The following LRMDA variants were observed in gnomAD, a reference collection of about 807,000 sequenced individuals.
LRMDA encodes the protein leucine-rich melanocyte differentiation-associated protein.
Under a neutral mutation model 29.8 loss-of-function variants are expected in LRMDA, and 18 were observed. The observed-to-expected ratio is 0.60, with a 90% CI of 0.42 to 0.90. The LOEUF is 0.90. Ranked by LOEUF, LRMDA falls within the 40% of genes least tolerant of loss-of-function variation. LRMDA has a pLI of 0.00. For missense variants in LRMDA, 273 were observed against 273.9 expected (o/e 1.00, Z 0.02); for synonymous variants, 125 against 109.4 (o/e 1.14, Z -0.89).
At chr10:75,883,453 C>T (rs2132345935) in intron 2 of LRMDA, 1 of 152,362 alleles carries the variant, frequency 6.6e-6, no homozygotes, top group African/African-American at 2.4e-5. Context: ...GATGGCATCC[C>T]TGGGGTGCTC....
intron 2 of LRMDA, among the ~76,000 whole-genome samples, chr10:75,969,620 C>G (rs1846929585): frequency 6.6e-6 from 1 of 152,190 alleles, no homozygotes; most frequent in South Asian, 2.1e-4. Context: ...CTTCTTGGTA[C>G]CTTTCATCAG....
At chr10:76,073,456 A>G (rs1848906717) in intron 5 of LRMDA, among the ~76,000 whole-genome samples, 3 of 152,162 alleles carry the variant, frequency 2.0e-5, no homozygotes, top group Admixed American at 1.3e-4. Flanking sequence ...ATAATTCTCT[A>G]TCAAGTTGAC....
At chr10:76,288,144 CAG>C (rs1433937371) in intron 5 of LRMDA, among the ~76,000 whole-genome samples, 2 of 152,218 alleles carry the variant, frequency 1.3e-5, no homozygotes, top group Admixed American at 1.3e-4. Flanking sequence ...TGAAAAATAA[CAG>C]ATGCTGATGA....
intron 6 of LRMDA, among the ~76,000 whole-genome samples, chr10:76,364,270 C>G (rs916705174): frequency 6.6e-6 from 1 of 152,056 alleles, no homozygotes; most frequent in African/African-American, 2.4e-5. Flanking sequence ...AAGCCAAGCT[C>G]ACAGCTTAAG....
intron 5 of LRMDA, among the ~76,000 whole-genome samples, chr10:76,262,315 G>A (rs1373405773): frequency 6.6e-6 from 1 of 152,114 alleles, no homozygotes; most frequent in East Asian, 1.9e-4. Context: ...TACCACCAGT[G>A]TTCACTCATG....
At chr10:75,529,025 G>A (rs1364919182) in intron 2 of LRMDA, among the ~76,000 whole-genome samples, 1 of 152,142 alleles carries the variant, frequency 6.6e-6, no homozygotes. Context: ...GGAGAAAAAA[G>A]GAGCAGTCTC....
chr10:75,469,283 T>C (rs543151444), intron 2 of LRMDA, among the ~76,000 whole-genome samples: 79 of 132,990 alleles, frequency 5.9e-4, no homozygotes, highest in African/African-American at 1.9e-3. Flanking sequence ...AGAGAGCATG[T>C]TGCAATAAAG....
chr10:76,083,612 T>C (rs1849082291), intron 5 of LRMDA, among the ~76,000 whole-genome samples: 1 of 152,126 alleles, frequency 6.6e-6, no homozygotes, highest in African/African-American at 2.4e-5. Flanking sequence ...GTGGATCACC[T>C]GAGATCAGGA....
chr10:75,450,810 A>C (rs934010605), intron 2 of LRMDA: 1 of 152,258 alleles, frequency 6.6e-6, no homozygotes, highest in African/African-American at 2.4e-5. Flanking sequence ...TGTCACCGGG[A>C]CATCAAAGCC....
At chr10:76,109,904 C>T (rs1849549351) in intron 5 of LRMDA, among the ~76,000 whole-genome samples, 1 of 152,190 alleles carries the variant, frequency 6.6e-6, no homozygotes, top group African/African-American at 2.4e-5. Flanking sequence ...GGCTCATCTA[C>T]ATTTACCCAG....
At chr10:75,785,916 T>C (rs1457644940) in intron 2 of LRMDA, among the ~76,000 whole-genome samples, 1 of 152,220 alleles carries the variant, frequency 6.6e-6, no homozygotes, top group African/African-American at 2.4e-5. Flanking sequence ...AAGTTATGAT[T>C]CTCTGGCACC....
intron 2 of LRMDA, among the ~76,000 whole-genome samples, chr10:75,708,955 G>T (rs895923333): frequency 6.6e-6 from 1 of 152,112 alleles, no homozygotes; most frequent in Non-Finnish European, 1.5e-5. Flanking sequence ...GTGTTTGAAG[G>T]CATTTGCATA....
At chr10:76,000,098 GA>G (rs147861782) in intron 2 of LRMDA, among the ~76,000 whole-genome samples, 80 of 152,208 alleles carry the variant, frequency 5.3e-4, no homozygotes, top group African/African-American at 1.8e-3. Flanking sequence ...TTCTCTTGAA[GA>G]TAATTTTTTT....
intron 2 of LRMDA, among the ~76,000 whole-genome samples, chr10:75,711,147 C>T (rs997966322): frequency 6.6e-6 from 1 of 152,250 alleles, no homozygotes; most frequent in East Asian, 1.9e-4. Context: ...AGACTGATTC[C>T]CAGTGGATCT....
chr10:76,298,755 T>A (rs1031197811), intron 5 of LRMDA, among the ~76,000 whole-genome samples: 3 of 152,226 alleles, frequency 2.0e-5, no homozygotes, highest in African/African-American at 7.2e-5. Flanking sequence ...CCATGAAGCA[T>A]ACCATTCTAC....
rs1841373080 is a variant in LRMDA at position 75,634,953 on chromosome 10, A to G, written c.131+196459A>G. 3.9e-5 allele frequency among the ~76,000 whole-genome samples: 6 copies of G among 152,300 alleles called. No homozygotes were observed. The South Asian group carries it at 1.2e-3, about 32-fold the overall frequency. On this transcript the variant is annotated intron_variant, in intron 2 of 6. Transcript: ENST00000611255. ...AGAAGATGAAAAAAGGATGAAAACAACCATATTCCCAAATAGTCCAAATTT... is the reference window on the plus strand; with the variant it reads ...AGAAGATGAAAAAAGGATGAAAACAGCCATATTCCCAAATAGTCCAAATTT...
At chr10:76,244,637 A>G (rs1397837837) in intron 5 of LRMDA, among the ~76,000 whole-genome samples, 3 of 152,158 alleles carry the variant, frequency 2.0e-5, no homozygotes, top group Non-Finnish European at 2.9e-5. Flanking sequence ...CTCAGGGTAC[A>G]TTCCCAGCCA....
rs764733960 is a variant in LRMDA, at chr10:76,444,836, ATG to A, written c.602-112366_602-112365del. Among the ~76,000 whole-genome samples the A allele has an allele frequency of 1.5e-3, 233 of 152,252 alleles. 4 individuals carry two copies. Among genetic ancestry groups the A allele is most frequent in the Non-Finnish European group, 1.9e-3 (127 of 68,010 alleles). ...GTGTGTGTATCTGTATGTGTACTAT[ATG>A]TGTGTGCATAGTGTATACATATGTG... On this transcript the variant is annotated intron_variant, in intron 6 of 6. Coordinates refer to ENST00000611255, the MANE Select transcript of LRMDA (RefSeq NM_001305581.2).
chr10:75,497,959 C>T (rs1845066171), intron 2 of LRMDA, among the ~76,000 whole-genome samples: 1 of 152,104 alleles, frequency 6.6e-6, no homozygotes, highest in Non-Finnish European at 1.5e-5. Context: ...GGGAGATGCA[C>T]GTTTAGTTTT....
Sources: allele counts gnomAD v4.1 joint callset (sites outside exome capture counted in the v4.1 genomes callset), GRCh38; gene constraint gnomAD v4.1.1; transcripts MANE v1.5; gene names NCBI Gene and HGNC (gene_info 2026-07-23, HGNC 2026-07-21).